Variants in DPH6 observed in about 807,000 individuals in gnomAD.
DPH6 encodes diphthine--ammonia ligase.
Under a neutral mutation model 38.2 loss-of-function variants are expected in DPH6, and 33 were observed. The observed-to-expected ratio is 0.86, with a 90% CI of 0.65 to 1.15. DPH6 has a LOEUF of 1.15. DPH6 is among the 50% of genes most tolerant of loss of function. DPH6 has a pLI of 0.00. For synonymous variants in DPH6, 108 were observed against 103.0 expected (o/e 1.05, Z -0.30); for missense variants, 325 against 320.0 (o/e 1.02, Z -0.12).
chr15:35,403,438 A>C (rs2053248283), intron 6 of DPH6, among the ~76,000 whole-genome samples: 1 of 152,104 alleles, frequency 6.6e-6, no homozygotes, highest in African/African-American at 2.4e-5. Context: ...GTTATTTAAA[A>C]ATGTAAAATT....
At chr15:35,428,695 G>A (rs1348086545) in intron 5 of DPH6, among the ~76,000 whole-genome samples, 1 of 151,976 alleles carries the variant, frequency 6.6e-6, no homozygotes, top group African/African-American at 2.4e-5. Context: ...AGTACCAGTG[G>A]ACTTTCAAAC....
intron 3 of DPH6, among the ~76,000 whole-genome samples, chr15:35,272,998 T>A (rs187634893): frequency 6.6e-6 from 1 of 151,950 alleles, no homozygotes; most frequent in East Asian, 1.9e-4. Flanking sequence ...CCCTTTGCCT[T>A]TTCACCATGA....
intron 3 of DPH6, among the ~76,000 whole-genome samples, chr15:35,302,583 T>C (rs1339009501): frequency 1.3e-5 from 2 of 152,218 alleles, no homozygotes; most frequent in Non-Finnish European, 1.5e-5. Flanking sequence ...TAATAGATTA[T>C]GGCAAAGAGA....
intron 5 of DPH6, among the ~76,000 whole-genome samples, chr15:35,414,341 A>G (rs1409385716): frequency 6.6e-6 from 1 of 151,772 alleles, no homozygotes; most frequent in Non-Finnish European, 1.5e-5. Flanking sequence ...TGATGTCAGT[A>G]TGATAGTGGC....
the DPH6 span, among the ~76,000 whole-genome samples, chr15:35,193,188 T>C: frequency 0.5 from 75,269 of 151,962 alleles, 23,270 homozygotes; most frequent in Non-Finnish European, 0.69. Flanking sequence ...GAAATGTGTA[T>C]GGGAAATAAC....
chr15:35,366,290 C>T (rs1348134679), downstream of DPH6, among the ~76,000 whole-genome samples: 1 of 149,154 alleles, frequency 6.7e-6, no homozygotes, highest in African/African-American at 2.5e-5. Flanking sequence ...CTGAAGGGGT[C>T]TTTTTATAGA....
At chr15:35,382,040 G>C in intron 6 of DPH6, 124 bp from the exon 7 acceptor site, 2 of 689,264 alleles carry the variant, frequency 2.9e-6, no homozygotes, top group South Asian at 3.9e-5. Flanking sequence ...TGCAAGGTAA[G>C]GAAAATTAAT....
intron 3 of DPH6, among the ~76,000 whole-genome samples, chr15:35,339,394 G>A (rs1435411544): frequency 1.3e-5 from 2 of 151,742 alleles, no homozygotes; most frequent in African/African-American, 4.8e-5. Flanking sequence ...GCGTGATCTC[G>A]ACTCACTGCA....
chr15:35,354,512 G>C (rs895549141), intron 3 of DPH6, among the ~76,000 whole-genome samples: 9 of 152,256 alleles, frequency 5.9e-5, no homozygotes, highest in African/African-American at 2.2e-4. Context: ...TTTTGTCAAA[G>C]GCTTTTTCTG....
the DPH6 span, among the ~76,000 whole-genome samples, chr15:35,172,112 T>A: frequency 2.8e-3 from 423 of 152,260 alleles, 1 homozygote; most frequent in Non-Finnish European, 4.6e-3. Context: ...GTGATCCACC[T>A]GCCTTGGCCT....
At chr15:35,188,203 C>G in the DPH6 span, among the ~76,000 whole-genome samples, 1 of 152,280 alleles carries the variant, frequency 6.6e-6, no homozygotes, top group Admixed American at 6.5e-5. Context: ...TAGTGATTAT[C>G]AGCTTCCTCA....
intron 3 of DPH6, among the ~76,000 whole-genome samples, chr15:35,301,015 A>T (rs144207980): frequency 1.5e-4 from 23 of 152,350 alleles, no homozygotes; most frequent in Admixed American, 4.6e-4. Flanking sequence ...ATCTGAGATT[A>T]TTTCTTGATC....
chr15:35,219,967 G>A (rs1200583374), exon 4 of DPH6: 1 of 152,108 alleles, frequency 6.6e-6, no homozygotes, highest in Non-Finnish European at 1.5e-5. Flanking sequence ...ATCCATAATG[G>A]AATTAGAATT....
intron 3 of DPH6, among the ~76,000 whole-genome samples, chr15:35,273,760 C>A (rs1279554767): frequency 1.1e-4 from 17 of 152,122 alleles, no homozygotes. Context: ...AGAGAGGACA[C>A]AAACAAATGG....
At chr15:35,217,805 T>C (rs2140382155) in exon 4 of DPH6, 1 of 152,312 alleles carries the variant, frequency 6.6e-6, no homozygotes, top group Admixed American at 6.5e-5. Context: ...CAAAGGGATA[T>C]ACAGTTCTTT....
At chr15:35,240,975 G>A (rs1160834575) in intron 3 of DPH6, among the ~76,000 whole-genome samples, 1 of 143,340 alleles carries the variant, frequency 7.0e-6, no homozygotes, top group East Asian at 2.2e-4. Context: ...CAGCACACAA[G>A]AACTTCCAAA....
chr15:35,357,410 G>T (rs558942060), intron 3 of DPH6, among the ~76,000 whole-genome samples: 6 of 152,130 alleles, frequency 3.9e-5, no homozygotes, highest in Admixed American at 3.9e-4. Context: ...ATTCCTATTT[G>T]GCCATCTTGG....
At chr15:35,245,879 G>A (rs191949281) in intron 3 of DPH6, among the ~76,000 whole-genome samples, 1 of 152,324 alleles carries the variant, frequency 6.6e-6, no homozygotes, top group East Asian at 1.9e-4. Flanking sequence ...CAAATGTTGA[G>A]TCTGACAGGT....
chr15:35,543,971 A>G (rs2055303711), intron 1 of DPH6, among the ~76,000 whole-genome samples: 1 of 152,240 alleles, frequency 6.6e-6, no homozygotes, highest in Non-Finnish European at 1.5e-5. Flanking sequence ...TTTAAGCAGT[A>G]TTTACCAAAC....
Sources: allele counts gnomAD v4.1 joint callset (sites outside exome capture counted in the v4.1 genomes callset), GRCh38; gene constraint gnomAD v4.1.1; transcripts MANE v1.5; gene names NCBI Gene and HGNC (gene_info 2026-07-23, HGNC 2026-07-21).